The following SLC3A2 variants were observed in gnomAD, a reference collection of about 807,000 sequenced individuals.
The protein encoded by SLC3A2 is amino acid transporter heavy chain SLC3A2.
Under a neutral mutation model 48.5 loss-of-function variants are expected in SLC3A2, and 32 were observed. That is an observed-to-expected ratio of 0.66 (90% confidence interval 0.50 to 0.89). The LOEUF is 0.89. Ranked by LOEUF, SLC3A2 falls within the 40% of genes least tolerant of loss-of-function variation. The pLI is 0.00. For synonymous variants in SLC3A2, 277 were observed against 288.8 expected, an observed-to-expected ratio of 0.96 and a Z score of 0.41; for missense variants, 587 against 680.7, an observed-to-expected ratio of 0.86 and a Z score of 1.53.
In SLC3A2 at chr11:62,881,492, G is replaced by C; in HGVS notation, c.424+45G>C. 1 of 1,522,006 alleles carries C rather than the reference G, an allele frequency of 6.6e-7. No homozygotes were observed. The highest frequency in any genetic ancestry group is 8.8e-7 in the Non-Finnish European group (1 of 1,141,264). 94.3% of individuals were successfully genotyped at this position (1,522,006 alleles called of 1,614,324 possible). On this transcript the variant is annotated intron_variant, in intron 1 of 8. Transcript: ENST00000338663. The surrounding 1 kb of genome is among the most constrained non-coding windows in gnomAD (Gnocchi z 4.0). ...GTCCCGGGTACCTCCGGTTGAATCT[G>C]GTGGCTTGCACCGACCCCCTCCCCT...
In SLC3A2 at chr11:62,870,849, AATAATAATTATTATTATTATT is replaced by A. The variant is rs777880830; in HGVS notation, c.113-10167_113-10147del. On this transcript the variant is annotated intron_variant, in intron 1 of 9. Transcript: ENST00000377889. ...TGCCGAGATGATAGGTAATAATAAT[AATAATAATTATTATTATTATT>A]ATTATTATTATTATTATTATTATTT... 2.8e-5 allele frequency: 4 copies of A among 143,354 alleles called. No individual in the cohort carries two copies. In the South Asian group the frequency reaches 3.8e-4, roughly 14 times the overall value. The allele number at this position is 143,354 out of a possible 1,614,324, so 8.9% of individuals were successfully genotyped here.
At chr11:62,872,402 C>A (rs982988598) in intron 1 of SLC3A2, among the ~76,000 whole-genome samples, 7 of 152,132 alleles carry the variant, frequency 4.6e-5, no homozygotes, top group South Asian at 2.1e-4. Flanking sequence ...GTAATACCAG[C>A]TGTTCAGGAG....
intron 7 of SLC3A2, chr11:62,886,559 C>A (rs2085717101): frequency 6.6e-6 from 1 of 152,004 alleles, no homozygotes; most frequent in South Asian, 2.1e-4. Context: ...GGGATATGTA[C>A]CATAGATAGG....
chr11:62,888,742 C>A lies in SLC3A2; in HGVS notation c.*49C>A. 6.8e-7 allele frequency: 1 copy of A among 1,474,810 alleles called. No individual in the cohort carries two copies. The highest frequency in any genetic ancestry group is 1.3e-5 in the South Asian group (1 of 76,488). The allele number at this position is 1,474,810 out of a possible 1,614,324, so 91.4% of individuals were successfully genotyped here. Reference sequence around the variant, plus strand: ...ACCCTTCTCCTTTCCTTCCCAGGCCCTTTGGCTTCTGATTTTTCTCTTTTT... The same window carrying A: ...ACCCTTCTCCTTTCCTTCCCAGGCCATTTGGCTTCTGATTTTTCTCTTTTT... On this transcript the variant is annotated 3_prime_UTR_variant, in exon 9 of 9. Coordinates refer to ENST00000338663, the MANE Select transcript of SLC3A2 (RefSeq NM_001013251.3).
intron 1 of SLC3A2, among the ~76,000 whole-genome samples, chr11:62,860,213 CA>C (rs2085384122): frequency 6.6e-6 from 1 of 151,908 alleles, no homozygotes; most frequent in Non-Finnish European, 1.5e-5. Flanking sequence ...CAGTAAAGAG[CA>C]GTATTGGCCG....
At chr11:62,883,451 T>C (rs1277455001) in intron 3 of SLC3A2, 3 of 192,538 alleles carry the variant, frequency 1.6e-5, no homozygotes, top group African/African-American at 7.0e-5. Flanking sequence ...TCTAATTCTC[T>C]GTATAACCAT....
In SLC3A2 at chr11:62,881,609, C is replaced by G. The variant is rs762084546; in HGVS notation, c.424+162C>G. 22 of 1,109,418 alleles carry G rather than the reference C, an allele frequency of 2.0e-5. No individual in the cohort carries two copies. Among genetic ancestry groups the G allele is most frequent in the Admixed American group, 2.9e-5 (1 of 34,364 alleles). The allele number at this position is 1,109,418 out of a possible 1,614,324, so 68.7% of individuals were successfully genotyped here. A position where few individuals can be genotyped will look rare whatever the true frequency, so the allele number is the denominator to read the frequency against. On this transcript the variant is annotated intron_variant, in intron 1 of 8. Transcript: ENST00000338663. This position sits in a 1 kb window ranked among gnomAD's most constrained non-coding sequence, Gnocchi z 4.0. ...CCCCCTCCCCGGCACATTGTCCTTC[C>G]CTCCTTTCTTTGAAGAAAGCCGACC... is the stretch of plus-strand genomic sequence containing the variant.
chr11:62,876,422 G>C (rs1480971610), upstream of SLC3A2, among the ~76,000 whole-genome samples: 2 of 152,020 alleles, frequency 1.3e-5, no homozygotes, highest in Non-Finnish European at 2.9e-5. Context: ...TCTCTTGAAG[G>C]CTAAATTCTT....
intron 1 of SLC3A2, among the ~76,000 whole-genome samples, chr11:62,860,787 C>T (rs534557707): frequency 6.6e-5 from 10 of 152,218 alleles, no homozygotes; most frequent in Admixed American, 2.0e-4. Flanking sequence ...TGCGGCCTTC[C>T]GCAGTGCACT....
intron 1 of SLC3A2, chr11:62,856,399 A>G (rs769036068): frequency 1.9e-6 from 3 of 1,588,038 alleles, no homozygotes; most frequent in Non-Finnish European, 2.6e-6. Flanking sequence ...ATCCCGGGCT[A>G]AGCTCGGGAG....
In SLC3A2 at chr11:62,885,292, G is replaced by C; in HGVS notation, c.934G>C (p.Glu312Gln). 1 of 1,614,206 alleles carries C rather than the reference G, an allele frequency of 6.2e-7. No homozygotes were observed. The highest frequency in any genetic ancestry group is 1.1e-5 in the South Asian group (1 of 91,082). ...CCTGTCTGATTCTGGTTCTACTGGGGAGCATACAAAATCCCTAGTCACACA... is the reference window on the plus strand; with the variant it reads ...CCTGTCTGATTCTGGTTCTACTGGGCAGCATACAAAATCCCTAGTCACACA... ...SYLSDSGSTG[E>Q]HTKSLVTQYL... Residue 312 changes from glutamate (E) to glutamine (Q), a missense_variant, in exon 6 of 9, where the codon GAG becomes CAG. Coordinates refer to ENST00000338663, the MANE Select transcript of SLC3A2 (RefSeq NM_001013251.3).
At position 62,884,641 on chromosome 11, in the gene SLC3A2, T is replaced by A; in HGVS notation, c.769T>A (p.Ser257Thr). 1 of 1,610,488 alleles carries A rather than the reference T, an allele frequency of 6.2e-7. No homozygotes were observed. The highest frequency in any genetic ancestry group is 8.5e-7 in the Non-Finnish European group (1 of 1,177,360). ...RDIENLKDAS[S>T]FLAEWQNITK... ...GCTTTTTTCTTTCTAGGATGCATCCTCATTCTTGGCTGAGTGGCAAAATAT... is the reference window on the plus strand; with the variant it reads ...GCTTTTTTCTTTCTAGGATGCATCCACATTCTTGGCTGAGTGGCAAAATAT... Residue 257 changes from serine to threonine, a missense_variant, in exon 5 of 9, where the codon TCA (serine) becomes ACA (threonine). Ser to Thr is a moderately conservative substitution (Grantham distance 58). Around this residue, in one of 3 missense-constraint regions of SLC3A2, gnomAD observed 409 missense variants for 446.7 expected, o/e 0.92. Transcript: ENST00000338663.
In SLC3A2 at chr11:62,881,374, G is replaced by T; in HGVS notation, c.351G>T (p.Trp117Cys). 1 of 1,597,520 alleles carries T rather than the reference G, an allele frequency of 6.3e-7. No homozygotes were observed. The highest frequency in any genetic ancestry group is 8.5e-7 in the Non-Finnish European group (1 of 1,177,464). Residue 117 changes from tryptophan to cysteine, a missense_variant, in exon 1 of 9, where the codon TGG becomes TGT. By Grantham distance (215) the Trp-to-Cys change is radical (BLOSUM62 -2). Transcript: ENST00000338663. This position sits in a 1 kb window ranked among gnomAD's most constrained non-coding sequence, Gnocchi z 4.0. ...PRCRELPAQK[W>C]WHTGALYRIG... ...GTCGCGAGCTACCGGCGCAGAAGTG[G>T]TGGCACACGGGCGCCCTCTACCGCA...
intron 1 of SLC3A2, among the ~76,000 whole-genome samples, chr11:62,857,022 C>T (rs889635236): frequency 6.6e-6 from 1 of 151,826 alleles, no homozygotes; most frequent in Non-Finnish European, 1.5e-5. Flanking sequence ...AGGGTTTCTC[C>T]ATGTTGGTCA....
upstream of SLC3A2, among the ~76,000 whole-genome samples, chr11:62,878,165 A>C (rs149629657): frequency 2.0e-3 from 306 of 152,058 alleles, no homozygotes; most frequent in African/African-American, 6.6e-3. Flanking sequence ...TCTCAAAAAA[A>C]AAAAAACAAA....
upstream of SLC3A2, chr11:62,877,000 T>C: frequency 1.0e-6 from 1 of 955,736 alleles, no homozygotes; most frequent in Non-Finnish European, 1.2e-6. Context: ...TTCCTTTTCA[T>C]TTTCCTGCCT....
At chr11:62,862,302 C>G (rs2085408307) in intron 1 of SLC3A2, among the ~76,000 whole-genome samples, 1 of 137,316 alleles carries the variant, frequency 7.3e-6, no homozygotes, top group South Asian at 2.3e-4. Flanking sequence ...CCATTGCACT[C>G]CAGCCTGGGC....
intron 1 of SLC3A2, among the ~76,000 whole-genome samples, chr11:62,874,964 T>C (rs1260474854): frequency 1.3e-5 from 2 of 152,094 alleles, no homozygotes; most frequent in Non-Finnish European, 2.9e-5. Context: ...GGATTTGCCA[T>C]GTTGGCCAAG....
chr11:62,877,727 G>A (rs1343709418), upstream of SLC3A2, among the ~76,000 whole-genome samples: 1 of 151,398 alleles, frequency 6.6e-6, no homozygotes, highest in African/African-American at 2.5e-5. Flanking sequence ...GCAGAGCTCT[G>A]CCTGAAAAAG....
Sources: allele counts gnomAD v4.1 joint callset (sites outside exome capture counted in the v4.1 genomes callset), GRCh38; gene constraint gnomAD v4.1.1; regional missense constraint gnomAD v4.1.1; non-coding constraint Gnocchi (gnomAD v3.1); transcripts MANE v1.5; gene names NCBI Gene and HGNC (gene_info 2026-07-23, HGNC 2026-07-21).